Variants in FAM227B observed in about 807,000 individuals in gnomAD.
The protein encoded by FAM227B is family with sequence similarity 227 member B, also known as protein FAM227B.
A neutral mutation model predicts 73.8 loss-of-function variants in FAM227B; 88 were observed. The ratio of observed to expected loss-of-function variants is 1.19; its 90% CI spans 1.00 to 1.42. The LOEUF (loss-of-function observed/expected upper bound fraction) is 1.42, where lower values mean the gene tolerates loss of function less well. Ranked by LOEUF, FAM227B falls within the 40% of genes most tolerant of loss-of-function variation. The pLI, the probability that FAM227B is intolerant of heterozygous loss-of-function variation, is 0.00. For synonymous variants in FAM227B, 210 were observed against 190.5 expected (o/e 1.10, Z -0.84); for missense variants, 632 against 590.9 (o/e 1.07, Z -0.72).
intron 5 of FAM227B, among the ~76,000 whole-genome samples, chr15:49,585,906 T>C (rs1487550753): frequency 6.6e-6 from 1 of 152,156 alleles, no homozygotes; most frequent in Non-Finnish European, 1.5e-5. Context: ...AAACGTTCCA[T>C]GCTCGTGAAC....
intron 11 of FAM227B, among the ~76,000 whole-genome samples, chr15:49,489,860 TTATATA>T (rs796167274): frequency 1.8e-3 from 12 of 6,798 alleles, no homozygotes; most frequent in African/African-American, 3.0e-3. Flanking sequence ...TATATATATT[TTATATA>T]TATATATATA....
At chr15:49,548,049 G>C (rs1329123271) in intron 9 of FAM227B, among the ~76,000 whole-genome samples, 1 of 152,126 alleles carries the variant, frequency 6.6e-6, no homozygotes, top group Non-Finnish European at 1.5e-5. Context: ...TGGAATTCCA[G>C]TACTATGTTG....
At chr15:49,449,445 A>C (rs759052555) in intron 11 of FAM227B, among the ~76,000 whole-genome samples, 1 of 151,998 alleles carries the variant, frequency 6.6e-6, no homozygotes, top group Non-Finnish European at 1.5e-5. Context: ...ATTACACTTA[A>C]ACATGATTTC....
intron 10 of FAM227B, among the ~76,000 whole-genome samples, chr15:49,528,348 T>C (rs2060360411): frequency 6.6e-6 from 1 of 151,452 alleles, no homozygotes; most frequent in Admixed American, 6.6e-5. Flanking sequence ...AAAATTAACC[T>C]AAGATAGATG....
chr15:49,590,545 T>C (rs1463344030), intron 3 of FAM227B, among the ~76,000 whole-genome samples: 1 of 152,234 alleles, frequency 6.6e-6, no homozygotes, highest in Non-Finnish European at 1.5e-5. Context: ...TTTCTAGTTT[T>C]ATTAAAGTAT....
intron 10 of FAM227B, among the ~76,000 whole-genome samples, chr15:49,525,711 T>TATACATACATAC (rs2060142479): frequency 9.5e-5 from 6 of 63,168 alleles, no homozygotes; most frequent in African/African-American, 3.1e-4. Flanking sequence ...TATATATATA[T>TATACATACATAC]ATATATATCA....
intron 10 of FAM227B, 29 bp from the exon 11 acceptor site, chr15:49,508,377 A>C: frequency 1.3e-6 from 2 of 1,519,238 alleles, no homozygotes; most frequent in African/African-American, 1.4e-5. Context: ...TATTTAGCCA[A>C]ATAAATTTGG....
intron 11 of FAM227B, among the ~76,000 whole-genome samples, chr15:49,455,161 T>C (rs2053164992): frequency 6.6e-6 from 1 of 152,218 alleles, no homozygotes. Context: ...TCAGGTGATT[T>C]GTATGCATGC....
intron 11 of FAM227B, among the ~76,000 whole-genome samples, chr15:49,496,050 A>G (rs2057575059): frequency 6.6e-6 from 1 of 152,038 alleles, no homozygotes; most frequent in African/African-American, 2.4e-5. Flanking sequence ...AAATAAATAA[A>G]TAAATAATAA....
At chr15:49,494,848 T>C (rs2057458432) in intron 11 of FAM227B, among the ~76,000 whole-genome samples, 1 of 152,178 alleles carries the variant, frequency 6.6e-6, no homozygotes, top group African/African-American at 2.4e-5. Flanking sequence ...TTCATTGCAC[T>C]CAGCAAATAT....
chr15:49,495,770 C>T (rs2057546713), intron 11 of FAM227B, among the ~76,000 whole-genome samples: 1 of 152,082 alleles, frequency 6.6e-6, no homozygotes, highest in African/African-American at 2.4e-5. Flanking sequence ...GTGCTTTAAT[C>T]CCAGCACTTT....
At chr15:49,388,144 A>G (rs903118930) in intron 11 of FAM227B, among the ~76,000 whole-genome samples, 5 of 151,890 alleles carry the variant, frequency 3.3e-5, no homozygotes, top group Admixed American at 2.0e-4. Flanking sequence ...TAAAATTCAT[A>G]TGGAACCAAA....
intron 13 of FAM227B, among the ~76,000 whole-genome samples, chr15:49,347,930 A>C (rs1008299245): frequency 2.7e-5 from 4 of 149,622 alleles, no homozygotes; most frequent in Non-Finnish European, 4.4e-5. Context: ...GAGGCAGGAG[A>C]ATTGTTTGAT....
intron 10 of FAM227B, among the ~76,000 whole-genome samples, chr15:49,511,602 T>C (rs1030053649): frequency 2.6e-5 from 4 of 152,124 alleles, no homozygotes; most frequent in African/African-American, 9.7e-5. Context: ...TTCCTGATGC[T>C]CTCCCTCCCT....
At chr15:49,375,204 G>C (rs751326571) in intron 11 of FAM227B, among the ~76,000 whole-genome samples, 1 of 152,094 alleles carries the variant, frequency 6.6e-6, no homozygotes, top group Non-Finnish European at 1.5e-5. Context: ...CATATACTTT[G>C]TTAACTATGA....
intron 11 of FAM227B, among the ~76,000 whole-genome samples, chr15:49,460,986 C>T (rs1274041287): frequency 6.6e-6 from 1 of 152,114 alleles, no homozygotes; most frequent in Non-Finnish European, 1.5e-5. Flanking sequence ...CCATGTAGAC[C>T]ATAAAGAATG....
In FAM227B at chr15:49,390,562, G is replaced by A. The variant is rs77947080; in HGVS notation, c.1013-19163C>T. On this transcript the variant is annotated intron_variant, in intron 11 of 15. Coordinates refer to ENST00000299338, the MANE Select transcript of FAM227B (RefSeq NM_152647.3). ...TGCTCAGAGCCAATCTAATTCATGG[G>A]CCAAGTCTAGCAAAAGTAAAAGGTT... Among the ~76,000 whole-genome samples, 855 of 151,992 alleles carry A rather than the reference G, an allele frequency of 5.6e-3. 7 individuals carry two copies. The highest frequency in any genetic ancestry group is 0.02 in the African/African-American group (815 of 41,470).
intron 12 of FAM227B, among the ~76,000 whole-genome samples, chr15:49,369,860 T>G (rs947743121): frequency 3.3e-5 from 5 of 152,150 alleles, no homozygotes; most frequent in African/African-American, 7.2e-5. Context: ...GCCTTCAGAG[T>G]CTTTTCCTTC....
At chr15:49,425,684 A>G (rs1453256924) in intron 11 of FAM227B, among the ~76,000 whole-genome samples, 4 of 151,958 alleles carry the variant, frequency 2.6e-5, no homozygotes, top group African/African-American at 7.2e-5. Flanking sequence ...GAACTAATCA[A>G]CCAATCAATG....
Sources: allele counts gnomAD v4.1 joint callset (sites outside exome capture counted in the v4.1 genomes callset), GRCh38; gene constraint gnomAD v4.1.1; transcripts MANE v1.5; gene names NCBI Gene and HGNC (gene_info 2026-07-23, HGNC 2026-07-21).